The following SLIT3 variants were observed in gnomAD, a reference collection of about 807,000 sequenced individuals.
SLIT3 encodes the protein slit guidance ligand 3, also known as slit homolog 3 protein.
Under a neutral mutation model 184.0 loss-of-function variants are expected in SLIT3, and 68 were observed. That is an observed-to-expected ratio of 0.37 (90% CI 0.30 to 0.45). The LOEUF (loss-of-function observed/expected upper bound fraction) is 0.45, where lower values mean the gene tolerates loss of function less well. SLIT3 is among the 20% of genes least tolerant of loss of function. SLIT3 has a pLI of 1.00. For synonymous variants in SLIT3, 831 were observed against 828.6 expected, an observed-to-expected ratio of 1.00 and a Z score of -0.05; for missense variants, 1,707 against 2,026.0, an observed-to-expected ratio of 0.84 and a Z score of 3.02.
rs142361568 is a variant in SLIT3, at chr5:169,086,205, T to C, written c.413+107274A>G. On this transcript the variant is annotated intron_variant, in intron 4 of 35. Coordinates refer to ENST00000519560, the MANE Select transcript of SLIT3 (RefSeq NM_003062.4). Reference sequence around the variant, plus strand: ...AGGGTTACATAGGCTAACCACCCCATTTTACATATGAACAAAATATAAATG... The same window carrying C: ...AGGGTTACATAGGCTAACCACCCCACTTTACATATGAACAAAATATAAATG... 4.1e-3 allele frequency among the ~76,000 whole-genome samples: 624 copies of C among 152,294 alleles called. 4 individuals carry two copies. The highest frequency in any genetic ancestry group is 6.8e-3 in the Non-Finnish European group (464 of 68,022).
intron 4 of SLIT3, among the ~76,000 whole-genome samples, chr5:169,116,957 T>C (rs1760690126): frequency 6.6e-6 from 1 of 152,130 alleles, no homozygotes; most frequent in African/African-American, 2.4e-5. Flanking sequence ...TACATAACCC[T>C]TCAGGGAGGG....
chr5:168,812,425 T>A (rs1009703910), intron 8 of SLIT3, among the ~76,000 whole-genome samples: 1 of 152,220 alleles, frequency 6.6e-6, no homozygotes. Flanking sequence ...TTACATAATA[T>A]ATACATATAT....
At chr5:168,890,273 G>A (rs1471323316) in intron 4 of SLIT3, among the ~76,000 whole-genome samples, 1 of 151,964 alleles carries the variant, frequency 6.6e-6, no homozygotes, top group East Asian at 1.9e-4. Flanking sequence ...GTTTATTTTA[G>A]CTGGGGCCCA....
intron 4 of SLIT3, among the ~76,000 whole-genome samples, chr5:169,009,616 AC>A (rs1451137156): frequency 2.0e-5 from 3 of 152,236 alleles, no homozygotes; most frequent in Non-Finnish European, 4.4e-5. Flanking sequence ...ACAGATAGTG[AC>A]AGCCTCATAG....
intron 4 of SLIT3, among the ~76,000 whole-genome samples, chr5:168,916,891 T>C (rs1018772636): frequency 7.2e-5 from 11 of 152,170 alleles, no homozygotes; most frequent in Non-Finnish European, 1.6e-4. Context: ...CGGGGCTGGC[T>C]AGATTGCTGA....
intron 4 of SLIT3, among the ~76,000 whole-genome samples, chr5:168,946,350 T>G (rs1440126075): frequency 1.3e-5 from 2 of 152,178 alleles, no homozygotes; most frequent in Non-Finnish European, 2.9e-5. Flanking sequence ...CCAGAGAGCC[T>G]TAGTATCACC....
In SLIT3 at chr5:168,776,602, T is replaced by C. The variant is rs551316608; in HGVS notation, c.1152-2224A>G. Among the ~76,000 whole-genome samples the C allele has an allele frequency of 2.6e-5, 4 of 152,284 alleles. No individual in the cohort carries two copies. In the East Asian group the frequency reaches 7.7e-4, roughly 29 times the overall value. Reference sequence around the variant, plus strand: ...ATTGAGGTCTCTAGAGGGCTCAGTTTCTTCTTTACGAATGTCTTGTCTACC... The same window carrying C: ...ATTGAGGTCTCTAGAGGGCTCAGTTCCTTCTTTACGAATGTCTTGTCTACC... On this transcript the variant is annotated intron_variant, in intron 12 of 35. Coordinates refer to ENST00000519560, the MANE Select transcript of SLIT3 (RefSeq NM_003062.4).
intron 7 of SLIT3, among the ~76,000 whole-genome samples, chr5:168,822,475 G>A (rs998448501): frequency 6.6e-6 from 1 of 152,046 alleles, no homozygotes; most frequent in African/African-American, 2.4e-5. Context: ...AAATACCACC[G>A]AAGCTCCACC....
chr5:168,728,004 G>A (rs1763186920), intron 20 of SLIT3, among the ~76,000 whole-genome samples: 1 of 152,158 alleles, frequency 6.6e-6, no homozygotes, highest in Admixed American at 6.5e-5. Context: ...ATCCGAGGGA[G>A]TTGCTAGGAA....
chr5:168,687,844 T>C (rs1761792899), intron 29 of SLIT3, among the ~76,000 whole-genome samples: 1 of 152,220 alleles, frequency 6.6e-6, no homozygotes, highest in African/African-American at 2.4e-5. Flanking sequence ...CAAAAATCTC[T>C]TCTGCCTTAA....
rs1006717057 is a variant in SLIT3, at chr5:168,722,407, A to G, written c.2412-80T>C. On this transcript the variant is annotated intron_variant, in intron 22 of 35. Coordinates refer to ENST00000519560, the MANE Select transcript of SLIT3 (RefSeq NM_003062.4). ...AGGTGCACTGTTCACGTTGTGAAACAAAGCAAATGGTTTATCTTTTCAATG... is the reference window on the plus strand; with the variant it reads ...AGGTGCACTGTTCACGTTGTGAAACGAAGCAAATGGTTTATCTTTTCAATG... The G allele has an allele frequency of 3.8e-5, 47 of 1,233,634 alleles. No individual in the cohort carries two copies. In the Admixed American group the frequency reaches 8.3e-4, roughly 22 times the overall value. 76.4% of individuals were successfully genotyped at this position (1,233,634 alleles called of 1,614,324 possible).
chr5:169,161,651 C>CTTTT (rs527835135), intron 4 of SLIT3, among the ~76,000 whole-genome samples: 2 of 140,702 alleles, frequency 1.4e-5, no homozygotes, highest in Admixed American at 7.1e-5. Context: ...ATAAAACAGT[C>CTTTT]TTTTTTTTTT....
chr5:168,757,045 A>G (rs1754971799), intron 16 of SLIT3, among the ~76,000 whole-genome samples: 1 of 152,244 alleles, frequency 6.6e-6, no homozygotes, highest in South Asian at 2.1e-4. Flanking sequence ...CACTGCTCGC[A>G]ACTACAGGCA....
intron 4 of SLIT3, among the ~76,000 whole-genome samples, chr5:168,911,460 T>C (rs1319406797): frequency 6.6e-6 from 1 of 152,210 alleles, no homozygotes; most frequent in Non-Finnish European, 1.5e-5. Context: ...GAATCTCTGA[T>C]TAAAAACAGG....
At chr5:168,788,960 T>G (rs1416370617) in intron 11 of SLIT3, among the ~76,000 whole-genome samples, 3 of 152,092 alleles carry the variant, frequency 2.0e-5, no homozygotes, top group African/African-American at 7.2e-5. Context: ...CATGAGTGAC[T>G]GACAGAATGA....
rs1157517422 is a variant in SLIT3 at position 168,686,964 on chromosome 5, G to T, written c.3314+15C>A. ...GCCCAGGCTGTCTCCTTCCTGAGGTGCCCTCCTGCCTTACCTGAAGCCCTG... is the reference window on the plus strand; with the variant it reads ...GCCCAGGCTGTCTCCTTCCTGAGGTTCCCTCCTGCCTTACCTGAAGCCCTG... On this transcript the variant is annotated intron_variant, in intron 30 of 35. Transcript: ENST00000519560. 2.5e-6 allele frequency: 4 copies of T among 1,609,832 alleles called. No individual in the cohort carries two copies. The highest frequency in any genetic ancestry group is 2.2e-5 in the East Asian group (1 of 44,736).
At chr5:168,907,979 T>TAGAGAGAGAG (rs70979109) in intron 4 of SLIT3, among the ~76,000 whole-genome samples, 96 of 50,044 alleles carry the variant, frequency 1.9e-3, no homozygotes, top group African/African-American at 3.9e-3. Context: ...TATATATATA[T>TAGAGAGAGAG]AGAGAGAGAG....
Position 168,722,912 on chromosome 5 carries a change from A to C in SLIT3, c.2411+21T>G, listed in dbSNP as rs1302425098. Reference sequence around the variant, plus strand: ...TGCTAGGCCCAAGGGCATGGTAAACACAGCATCTCAGTGTACTCACAGAGT... The same window carrying C: ...TGCTAGGCCCAAGGGCATGGTAAACCCAGCATCTCAGTGTACTCACAGAGT... On this transcript the variant is annotated intron_variant, in intron 22 of 35. Transcript: ENST00000519560. 3 of 1,589,430 alleles carry C rather than the reference A, an allele frequency of 1.9e-6. No homozygotes were observed. The African/African-American group carries it at 4.0e-5, about 21-fold the overall frequency.
chr5:169,063,517 G>C (rs1023874807), intron 4 of SLIT3, among the ~76,000 whole-genome samples: 1 of 152,288 alleles, frequency 6.6e-6, no homozygotes, highest in South Asian at 2.1e-4. Context: ...GACCCGCCTC[G>C]GGGGCACACC....
Sources: allele counts gnomAD v4.1 joint callset (sites outside exome capture counted in the v4.1 genomes callset), GRCh38; gene constraint gnomAD v4.1.1; transcripts MANE v1.5; gene names NCBI Gene and HGNC (gene_info 2026-07-23, HGNC 2026-07-21).